LRRC1: variants seen among roughly 807,000 people sequenced by gnomAD.
The protein encoded by LRRC1 is leucine-rich repeat-containing protein 1.
LRRC1 carries 28 observed loss-of-function variants against 69.9 expected under a neutral mutation model. That is an observed-to-expected ratio of 0.40 (90% CI 0.30 to 0.55). The LOEUF is 0.55. Among genes scored for constraint, LRRC1 ranks in the 20% least tolerant of loss-of-function variants. The pLI is 0.47. For synonymous variants in LRRC1, 236 were observed against 240.2 expected (o/e 0.98, Z 0.16); for missense variants, 498 against 609.0 (o/e 0.82, Z 1.92).
rs111235577 is a variant in LRRC1 at position 53,903,557 on chromosome 6, CCCTTTT to C, written c.907-808_907-803del. Among the ~76,000 whole-genome samples, 486 of 151,774 alleles carry C rather than the reference CCCTTTT, an allele frequency of 3.2e-3. 6 individuals are homozygous for C. The East Asian group carries it at 0.041, about 13-fold the overall frequency. On this transcript the variant is annotated intron_variant, in intron 9 of 13. Coordinates refer to ENST00000370888, the MANE Select transcript of LRRC1 (RefSeq NM_018214.5). Reference sequence around the variant, plus strand: ...TGTCATTTTTTTTTTACTCTCTTTTCCCTTTTCCTTTTCCTTTTCGCTTTTCCTTTT... The same window carrying C: ...TGTCATTTTTTTTTTACTCTCTTTTCCCTTTTCCTTTTCGCTTTTCCTTTT...
intron 1 of LRRC1, among the ~76,000 whole-genome samples, chr6:53,827,643 G>T (rs1013217502): frequency 6.6e-6 from 1 of 152,076 alleles, no homozygotes; most frequent in Admixed American, 6.6e-5. Context: ...CAGAACATGG[G>T]GTGCATGGGC....
chr6:53,920,403 A>G (rs920326579), intron 12 of LRRC1: 18 of 486,650 alleles, frequency 3.7e-5, no homozygotes, highest in Non-Finnish European at 5.5e-5. Context: ...ATACATCATT[A>G]AAAAAGAAGG....
chr6:53,860,936 A>C (rs1361713060), intron 2 of LRRC1, among the ~76,000 whole-genome samples: 3 of 152,190 alleles, frequency 2.0e-5, no homozygotes, highest in Non-Finnish European at 4.4e-5. Flanking sequence ...CAGGAACAGA[A>C]ACCCAGATAA....
chr6:53,920,819 G>C, intron 13 of LRRC1, 58 bp downstream of exon 13: 1 of 1,568,380 alleles, frequency 6.4e-7, no homozygotes, highest in Non-Finnish European at 8.8e-7. Context: ...GATTAGAATG[G>C]CACCTAATAA....
chr6:53,881,156 A>G (rs2127430811), intron 3 of LRRC1, among the ~76,000 whole-genome samples: 1 of 152,334 alleles, frequency 6.6e-6, no homozygotes, highest in Admixed American at 6.5e-5. Context: ...CTGTTTTTTA[A>G]GAATTAAGAT....
intron 4 of LRRC1, among the ~76,000 whole-genome samples, chr6:53,893,388 C>T (rs779361866): frequency 6.6e-6 from 1 of 152,248 alleles, no homozygotes; most frequent in Non-Finnish European, 1.5e-5. Context: ...GAGTGGCTTT[C>T]ATCGGTGGCT....
In LRRC1 at chr6:53,853,307, C is replaced by T. The variant is rs190337942; in HGVS notation, c.277+11080C>T. On this transcript the variant is annotated intron_variant, in intron 2 of 13. Transcript: ENST00000370888. ...ATTTTTTTTTTTTTTTTTTTTGAGA[C>T]GAAGTTTCGCTCTGTTGCCCAGGCT... Among the ~76,000 whole-genome samples the T allele has an allele frequency of 1.5e-3, 195 of 130,926 alleles. 2 individuals are homozygous for T. Among genetic ancestry groups the T allele is most frequent in the African/African-American group, 5.1e-3 (169 of 32,824 alleles). The allele number at this position is 130,926 out of a possible 152,430, so 85.9% of individuals were successfully genotyped here.
At chr6:53,861,386 C>G (rs1766512395) in intron 2 of LRRC1, among the ~76,000 whole-genome samples, 1 of 151,152 alleles carries the variant, frequency 6.6e-6, no homozygotes, top group Non-Finnish European at 1.5e-5. Context: ...AAAGTTAAAT[C>G]CCTCAGTGTT....
chr6:53,893,269 C>T (rs1021842656), intron 4 of LRRC1, among the ~76,000 whole-genome samples: 8 of 152,022 alleles, frequency 5.3e-5, no homozygotes, highest in Admixed American at 6.6e-5. Context: ...TAGGGAAAAT[C>T]GAGATTCAGC....
intron 2 of LRRC1, among the ~76,000 whole-genome samples, chr6:53,850,064 T>TTC (rs1766078081): frequency 1.3e-5 from 2 of 148,216 alleles, no homozygotes; most frequent in Non-Finnish European, 3.0e-5. Context: ...TAAGATTTCT[T>TTC]TTTTTTTTTT....
chr6:53,892,009 T>TACACACAC (rs761476094), intron 4 of LRRC1, among the ~76,000 whole-genome samples: 3,004 of 74,444 alleles, frequency 0.04, 54 homozygotes, highest in Admixed American at 0.078. Flanking sequence ...AATATATATA[T>TACACACAC]ATACACACAC....
At chr6:53,858,410 A>G (rs904229270) in intron 2 of LRRC1, among the ~76,000 whole-genome samples, 13 of 151,802 alleles carry the variant, frequency 8.6e-5, no homozygotes, top group African/African-American at 2.4e-4. Flanking sequence ...GTCACACTGT[A>G]TTGGGCTTAT....
At chr6:53,869,141 TAGAG>T (rs1343813608) in intron 2 of LRRC1, among the ~76,000 whole-genome samples, 1 of 152,026 alleles carries the variant, frequency 6.6e-6, no homozygotes, top group Non-Finnish European at 1.5e-5. Flanking sequence ...ACAAATTGAA[TAGAG>T]AGAGAGACCA....
At chr6:53,890,108 A>G (rs1231219834) in intron 4 of LRRC1, among the ~76,000 whole-genome samples, 2 of 152,186 alleles carry the variant, frequency 1.3e-5, no homozygotes, top group Non-Finnish European at 2.9e-5. Flanking sequence ...GTCTGGGAGC[A>G]TGCTGCTTTG....
chr6:53,799,111 G>T (rs775974791), intron 1 of LRRC1, among the ~76,000 whole-genome samples: 10 of 152,180 alleles, frequency 6.6e-5, no homozygotes, highest in African/African-American at 2.4e-4. Context: ...TATACTAAAG[G>T]CTTCATAGCT....
chr6:53,842,548 A>G (rs141214752), intron 2 of LRRC1, among the ~76,000 whole-genome samples: 2 of 152,236 alleles, frequency 1.3e-5, no homozygotes, highest in Non-Finnish European at 2.9e-5. Flanking sequence ...GCTTTCTCCA[A>G]ATAAGTTCAA....
intron 8 of LRRC1, among the ~76,000 whole-genome samples, chr6:53,900,326 C>T (rs1241036782): frequency 6.6e-6 from 1 of 152,164 alleles, no homozygotes; most frequent in Non-Finnish European, 1.5e-5. Context: ...TGTGAGCCAC[C>T]ATGCCCGGCC....
Position 53,852,597 on chromosome 6 carries a change from C to T in LRRC1, c.277+10370C>T, listed in dbSNP as rs144863030. Among the ~76,000 whole-genome samples, 96 of 152,222 alleles carry T rather than the reference C, an allele frequency of 6.3e-4. 1 individual carries two copies. The East Asian group carries it at 0.017, about 27-fold the overall frequency. Reference sequence around the variant, plus strand: ...TTGTCATGTGCCCCAAATCATACTCCTAGTTAGTGATGGACCTGAGATAAG... The same window carrying T: ...TTGTCATGTGCCCCAAATCATACTCTTAGTTAGTGATGGACCTGAGATAAG... On this transcript the variant is annotated intron_variant, in intron 2 of 13. Coordinates refer to ENST00000370888, the MANE Select transcript of LRRC1 (RefSeq NM_018214.5).
chr6:53,822,844 A>G (rs1765154155), intron 1 of LRRC1, among the ~76,000 whole-genome samples: 2 of 152,284 alleles, frequency 1.3e-5, no homozygotes, highest in African/African-American at 4.8e-5. Context: ...ACCCCAATGT[A>G]TATTCTTGGG....
Sources: allele counts gnomAD v4.1 joint callset (sites outside exome capture counted in the v4.1 genomes callset), GRCh38; gene constraint gnomAD v4.1.1; transcripts MANE v1.5; gene names NCBI Gene and HGNC (gene_info 2026-07-23, HGNC 2026-07-21).